Variants in INPP4B observed in about 807,000 individuals in gnomAD.
The protein encoded by INPP4B is inositol polyphosphate 4-phosphatase type II.
In INPP4B, 55 loss-of-function variants were observed where a neutral mutation model predicts 122.5. The observed-to-expected ratio is 0.45, with a 90% CI of 0.36 to 0.56. The LOEUF is 0.56. Ranked by LOEUF, INPP4B falls within the 20% of genes least tolerant of loss-of-function variation. The pLI, the probability that INPP4B is intolerant of heterozygous loss-of-function variation, is 0.00. For synonymous variants in INPP4B, 403 were observed against 388.7 expected, an observed-to-expected ratio of 1.04 and a Z score of -0.43; for missense variants, 1,000 against 1,097.7, an observed-to-expected ratio of 0.91 and a Z score of 1.26.
At chr4:142,355,065 C>T (rs1044167757) in intron 7 of INPP4B, among the ~76,000 whole-genome samples, 4 of 151,872 alleles carry the variant, frequency 2.6e-5, no homozygotes, top group African/African-American at 7.3e-5. Context: ...CTGAAAACTG[C>T]GAAGCTCTCT....
intron 5 of INPP4B, among the ~76,000 whole-genome samples, chr4:142,415,774 C>G (rs1179376307): frequency 2.0e-5 from 3 of 152,066 alleles, no homozygotes; most frequent in African/African-American, 7.2e-5. Flanking sequence ...CAATGATAGA[C>G]TGGATTAAGA....
intron 2 of INPP4B, among the ~76,000 whole-genome samples, chr4:142,699,784 T>C (rs1236826689): frequency 6.6e-6 from 1 of 152,116 alleles, no homozygotes; most frequent in Non-Finnish European, 1.5e-5. Flanking sequence ...TCTAGACCCT[T>C]TTAACAACCT....
At chr4:142,415,545 A>G (rs1029217161) in intron 5 of INPP4B, among the ~76,000 whole-genome samples, 1 of 151,954 alleles carries the variant, frequency 6.6e-6, no homozygotes, top group Admixed American at 6.6e-5. Flanking sequence ...ACACTTTTAC[A>G]CTGTTGGTGG....
intron 1 of INPP4B, among the ~76,000 whole-genome samples, chr4:142,807,702 T>C (rs1779029527): frequency 6.6e-6 from 1 of 152,198 alleles, no homozygotes; most frequent in Non-Finnish European, 1.5e-5. Context: ...CTCAGCAACA[T>C]GCACAGTAAA....
At chr4:142,382,603 T>C (rs914856770) in intron 7 of INPP4B, among the ~76,000 whole-genome samples, 2 of 132,742 alleles carry the variant, frequency 1.5e-5, no homozygotes, top group East Asian at 2.1e-4. Context: ...TAAATATATA[T>C]ATTTATATAT....
chr4:142,712,133 G>T (rs1347325164), intron 2 of INPP4B, among the ~76,000 whole-genome samples: 1 of 152,162 alleles, frequency 6.6e-6, no homozygotes, highest in Non-Finnish European at 1.5e-5. Flanking sequence ...GACGTAGCAA[G>T]GGAGTGCTAG....
intron 7 of INPP4B, among the ~76,000 whole-genome samples, chr4:142,361,947 C>G (rs534183145): frequency 1.3e-3 from 201 of 152,056 alleles, no homozygotes; most frequent in African/African-American, 4.7e-3. Context: ...GGAGATATAA[C>G]AGTAAATATG....
chr4:142,095,241 G>A (rs185770251), intron 23 of INPP4B, among the ~76,000 whole-genome samples: 232 of 152,282 alleles, frequency 1.5e-3, no homozygotes, highest in African/African-American at 5.3e-3. Context: ...AGAAAAAGTG[G>A]ACTGGAAACA....
chr4:142,277,531 T>TA (rs1749118651), intron 9 of INPP4B, among the ~76,000 whole-genome samples: 1 of 151,836 alleles, frequency 6.6e-6, no homozygotes, highest in African/African-American at 2.4e-5. Context: ...CACTACCAGG[T>TA]ATCTACCCAG....
chr4:142,435,058 A>G (rs1430389430), intron 3 of INPP4B, among the ~76,000 whole-genome samples: 2 of 152,140 alleles, frequency 1.3e-5, no homozygotes, highest in African/African-American at 4.8e-5. Context: ...CTGTGTCTCA[A>G]TGGACAAAAG....
At chr4:142,564,283 G>A (rs955726081) in intron 2 of INPP4B, among the ~76,000 whole-genome samples, 1 of 151,984 alleles carries the variant, frequency 6.6e-6, no homozygotes, top group African/African-American at 2.4e-5. Context: ...CCTCAGTGAG[G>A]GCTTAAAATA....
intron 18 of INPP4B, among the ~76,000 whole-genome samples, chr4:142,132,541 A>G (rs749656841): frequency 2.0e-5 from 3 of 152,196 alleles, no homozygotes; most frequent in Non-Finnish European, 4.4e-5. Context: ...TAATTTCTAC[A>G]TGATACTTTG....
At chr4:142,690,405 T>C (rs1175023475) in intron 2 of INPP4B, among the ~76,000 whole-genome samples, 1 of 152,186 alleles carries the variant, frequency 6.6e-6, no homozygotes, top group Non-Finnish European at 1.5e-5. Flanking sequence ...CATATTTTTA[T>C]AGAAATGTAA....
chr4:142,408,373 C>A (rs570426206), intron 5 of INPP4B, among the ~76,000 whole-genome samples: 1 of 152,042 alleles, frequency 6.6e-6, no homozygotes, highest in African/African-American at 2.4e-5. Flanking sequence ...GCCAACATGA[C>A]GAAACCCCAT....
At chr4:142,470,549 A>G (rs1818627003) in intron 2 of INPP4B, among the ~76,000 whole-genome samples, 2 of 152,208 alleles carry the variant, frequency 1.3e-5, no homozygotes, top group Admixed American at 1.3e-4. Context: ...ATATGTGGTT[A>G]GCACAAGATG....
chr4:142,810,545 A>T (rs1779382488), intron 1 of INPP4B, among the ~76,000 whole-genome samples: 1 of 152,218 alleles, frequency 6.6e-6, no homozygotes, highest in Admixed American at 6.5e-5. Flanking sequence ...TTAACATTTC[A>T]GTTATTGGGC....
At chr4:142,487,150 T>G (rs1431334870) in intron 2 of INPP4B, among the ~76,000 whole-genome samples, 1 of 152,164 alleles carries the variant, frequency 6.6e-6, no homozygotes, top group Non-Finnish European at 1.5e-5. Context: ...ACAAGCTCTC[T>G]CTTTGCCTGC....
chr4:142,448,858 G>T (rs1384731808), intron 3 of INPP4B, among the ~76,000 whole-genome samples: 1 of 152,036 alleles, frequency 6.6e-6, no homozygotes, highest in Non-Finnish European at 1.5e-5. Flanking sequence ...GTGGAAAATG[G>T]CATAAATTGG....
chr4:142,796,868 A>ATGTGTGTGTGTGTGTG lies in INPP4B; in HGVS notation c.-254+49325_-254+49340dup, dbSNP rs34860975. Among the ~76,000 whole-genome samples, 41 of 105,388 alleles carry ATGTGTGTGTGTGTGTG rather than the reference A, an allele frequency of 3.9e-4. 1 individual carries two copies. Among genetic ancestry groups the ATGTGTGTGTGTGTGTG allele is most frequent in the African/African-American group, 1.4e-3 (41 of 30,064 alleles). 69.1% of individuals were successfully genotyped at this position (105,388 alleles called of 152,430 possible). On this transcript the variant is annotated intron_variant, in intron 1 of 25. Coordinates refer to ENST00000262992, the MANE Select transcript of INPP4B (RefSeq NM_001101669.3). ...TCACAGAAACTGATGCGGAAAACAG[A>ATGTGTGTGTGTGTGTG]TGTGTGTGTGTGTGTGTGTGTGTGT...
Sources: allele counts gnomAD v4.1 joint callset (sites outside exome capture counted in the v4.1 genomes callset), GRCh38; gene constraint gnomAD v4.1.1; transcripts MANE v1.5; gene names NCBI Gene and HGNC (gene_info 2026-07-23, HGNC 2026-07-21).